Variants in CDH8 observed in about 807,000 individuals in gnomAD.
The protein encoded by CDH8 is cadherin-8.
In CDH8, 17 loss-of-function variants were observed where a neutral mutation model predicts 68.1. The observed-to-expected ratio is 0.25, with a 90% CI of 0.17 to 0.37. The LOEUF is 0.37. Ranked by LOEUF, CDH8 falls within the 10% of genes least tolerant of loss-of-function variation. The probability of loss-of-function intolerance (pLI) is 1.00; values close to 1 mark genes in which losing one functional copy is unlikely to be tolerated. For synonymous variants in CDH8, 372 were observed against 365.1 expected (o/e 1.02, Z -0.21); for missense variants, 763 against 999.3 (o/e 0.76, Z 3.19).
intron 2 of CDH8, among the ~76,000 whole-genome samples, chr16:61,979,948 T>C (rs1965503247): frequency 6.6e-6 from 1 of 152,172 alleles, no homozygotes; most frequent in Admixed American, 6.5e-5. Flanking sequence ...TTTTCTTAAG[T>C]ACTACTGTAT....
At chr16:61,892,424 T>C (rs1457718851) in intron 3 of CDH8, among the ~76,000 whole-genome samples, 1 of 152,180 alleles carries the variant, frequency 6.6e-6, no homozygotes, top group African/African-American at 2.4e-5. Flanking sequence ...GTATATTAGA[T>C]GAATTTATCA....
intron 4 of CDH8, among the ~76,000 whole-genome samples, chr16:61,855,860 G>A (rs563012285): frequency 6.6e-6 from 1 of 152,220 alleles, no homozygotes; most frequent in African/African-American, 2.4e-5. Flanking sequence ...CACCTGCTCT[G>A]CCATTTCAGG....
At position 62,035,519 on chromosome 16, in the gene CDH8, C is replaced by T. The variant is rs181455219; in HGVS notation, c.-200+561G>A. On this transcript the variant is annotated intron_variant, in intron 1 of 11. Coordinates refer to ENST00000577390, the MANE Select transcript of CDH8 (RefSeq NM_001796.5). ...CTGCCACTTGTGGGAAAGCCTCGCG[C>T]TGGGGCTTTCGCAGCTGAGCCTTGG... 6.8e-4 allele frequency among the ~76,000 whole-genome samples: 103 copies of T among 152,306 alleles called. 1 individual carries two copies. The East Asian group carries it at 0.013, about 20-fold the overall frequency.
intron 2 of CDH8, among the ~76,000 whole-genome samples, chr16:61,937,621 CAT>C (rs1448893777): frequency 3.3e-5 from 5 of 152,286 alleles, no homozygotes; most frequent in South Asian, 4.1e-4. Context: ...CATAGCAACT[CAT>C]GTGGAGATTT....
chr16:61,758,087 T>C (rs1391761229), intron 8 of CDH8, among the ~76,000 whole-genome samples: 1 of 152,066 alleles, frequency 6.6e-6, no homozygotes, highest in Non-Finnish European at 1.5e-5. Flanking sequence ...AGGGATAGTG[T>C]TGTTAGTGAA....
intron 8 of CDH8, among the ~76,000 whole-genome samples, chr16:61,756,314 T>C (rs555273471): frequency 1.3e-5 from 2 of 152,308 alleles, no homozygotes; most frequent in South Asian, 4.1e-4. Context: ...AAATTTGAAT[T>C]CATGTGTCAT....
rs569657715 is a variant in CDH8, at chr16:61,975,144, C to A, written c.252+46008G>T. 4.6e-4 allele frequency among the ~76,000 whole-genome samples: 70 copies of A among 152,110 alleles called. 2 individuals carry two copies. In the South Asian group the frequency reaches 0.015, roughly 32 times the overall value. On this transcript the variant is annotated intron_variant, in intron 2 of 11. Transcript: ENST00000577390. ...AAAAGCAGAAGACAGTCTCAAGAAGCCATAAATCTCCTTGTCTTCCTTTAC... is the reference window on the plus strand; with the variant it reads ...AAAAGCAGAAGACAGTCTCAAGAAGACATAAATCTCCTTGTCTTCCTTTAC...
chr16:61,968,108 G>A (rs955526927), intron 2 of CDH8, among the ~76,000 whole-genome samples: 3 of 152,158 alleles, frequency 2.0e-5, no homozygotes, highest in Non-Finnish European at 2.9e-5. Flanking sequence ...GCTGGGCCTA[G>A]AGATCATTAT....
At chr16:61,949,163 T>C (rs1207834275) in intron 2 of CDH8, among the ~76,000 whole-genome samples, 1 of 152,198 alleles carries the variant, frequency 6.6e-6, no homozygotes. Context: ...GACATGGGTA[T>C]CAGGCTTTCT....
intron 8 of CDH8, among the ~76,000 whole-genome samples, chr16:61,742,244 A>G (rs1029762824): frequency 6.6e-6 from 1 of 152,240 alleles, no homozygotes; most frequent in Non-Finnish European, 1.5e-5. Flanking sequence ...TATTTATAAT[A>G]GTTTATAGAT....
At chr16:62,009,933 A>C (rs1336757503) in intron 2 of CDH8, among the ~76,000 whole-genome samples, 1 of 152,140 alleles carries the variant, frequency 6.6e-6, no homozygotes, top group Non-Finnish European at 1.5e-5. Flanking sequence ...CTTTTAATAT[A>C]TTTTTAAAAT....
intron 8 of CDH8, among the ~76,000 whole-genome samples, chr16:61,729,527 A>T (rs183800316): frequency 2.8e-4 from 43 of 151,320 alleles, no homozygotes; most frequent in Middle Eastern, 6.8e-3. Flanking sequence ...AATTTTGCTT[A>T]TGGTCCTATT....
At chr16:61,903,642 A>G (rs1242188759) in intron 2 of CDH8, among the ~76,000 whole-genome samples, 1 of 152,230 alleles carries the variant, frequency 6.6e-6, no homozygotes, top group Non-Finnish European at 1.5e-5. Context: ...CAAAACACAA[A>G]GCTAAGATTC....
At chr16:61,816,753 G>T in intron 7 of CDH8, among the ~76,000 whole-genome samples, 1 of 150,160 alleles carries the variant, frequency 6.7e-6, no homozygotes. Context: ...AAAAAGATGT[G>T]TACAGTACAA....
chr16:61,650,671 T>G lies in CDH8; in HGVS notation c.*2937A>C, dbSNP rs1035739092. The G allele has an allele frequency of 2.9e-5, 4 of 137,972 alleles. No individual in the cohort carries two copies. The highest frequency in any genetic ancestry group is 4.9e-4 in the South Asian group (2 of 4,112). The allele number at this position is 137,972 out of a possible 1,614,324, so 8.5% of individuals were successfully genotyped here. On this transcript the variant is annotated 3_prime_UTR_variant, in exon 12 of 12. Coordinates refer to ENST00000577390, the MANE Select transcript of CDH8 (RefSeq NM_001796.5). The stretch of plus-strand genomic sequence containing the variant: ...AAAATGTGTGTTTTTTATTTGTTTG[T>G]TGTGTGTGTGTGTGTGTGTGTGTGT...
intron 8 of CDH8, among the ~76,000 whole-genome samples, chr16:61,781,866 T>C (rs1451953383): frequency 6.6e-6 from 1 of 152,192 alleles, no homozygotes; most frequent in African/African-American, 2.4e-5. Flanking sequence ...AATGGCATGC[T>C]TTATTTGCTT....
intron 4 of CDH8, among the ~76,000 whole-genome samples, chr16:61,840,680 A>G (rs1962665212): frequency 6.6e-6 from 1 of 152,178 alleles, no homozygotes; most frequent in Non-Finnish European, 1.5e-5. Flanking sequence ...ACAGAAAACC[A>G]AACACTGCAT....
At chr16:61,911,623 AC>A (rs5817326) in intron 2 of CDH8, among the ~76,000 whole-genome samples, 49,610 of 145,474 alleles carry the variant, frequency 0.34, 10,141 homozygotes, top group African/African-American at 0.58. Context: ...AATTCCCTAA[AC>A]CCCCCCCCAC....
At chr16:61,654,414 A>T (rs1336549306) in intron 11 of CDH8, among the ~76,000 whole-genome samples, 1 of 152,160 alleles carries the variant, frequency 6.6e-6, no homozygotes, top group African/African-American at 2.4e-5. Context: ...CAAAATAGAA[A>T]ATAGCACTGA....
Sources: allele counts gnomAD v4.1 joint callset (sites outside exome capture counted in the v4.1 genomes callset), GRCh38; gene constraint gnomAD v4.1.1; transcripts MANE v1.5; gene names NCBI Gene and HGNC (gene_info 2026-07-23, HGNC 2026-07-21).